The following HECW1 variants were observed in gnomAD, a reference collection of about 807,000 sequenced individuals.
HECW1 encodes HECT, C2 and WW domain containing E3 ubiquitin protein ligase 1.
A neutral mutation model predicts 182.3 loss-of-function variants in HECW1; 61 were observed. The observed-to-expected ratio is 0.33, with a 90% CI of 0.27 to 0.41. The LOEUF (loss-of-function observed/expected upper bound fraction) is 0.41. Among genes scored for constraint, HECW1 ranks in the 10% least tolerant of loss-of-function variants. The pLI, the probability that HECW1 is intolerant of heterozygous loss-of-function variation, is 1.00. For missense variants in HECW1, 1,739 were observed against 2,108.9 expected, an observed-to-expected ratio of 0.82 and a Z score of 3.44; for synonymous variants, 859 against 832.6, an observed-to-expected ratio of 1.03 and a Z score of -0.55.
At chr7:43,133,775 A>C (rs922052411) in intron 2 of HECW1, among the ~76,000 whole-genome samples, 2 of 151,810 alleles carry the variant, frequency 1.3e-5, no homozygotes, top group African/African-American at 4.8e-5. Flanking sequence ...GTACTTTCTT[A>C]TATCTATTGT....
intron 6 of HECW1, among the ~76,000 whole-genome samples, chr7:43,362,775 G>A (rs1816127736): frequency 6.6e-6 from 1 of 152,242 alleles, no homozygotes; most frequent in Non-Finnish European, 1.5e-5. Flanking sequence ...GGCAGGAAGT[G>A]GAGTGAAGCC....
At chr7:43,252,805 A>G (rs1480497573) in intron 3 of HECW1, among the ~76,000 whole-genome samples, 1 of 152,242 alleles carries the variant, frequency 6.6e-6, no homozygotes, top group Non-Finnish European at 1.5e-5. Context: ...ACTGGGGGAA[A>G]GTAGTCTTGC....
At chr7:43,451,203 G>T (rs2077224835) in intron 12 of HECW1, among the ~76,000 whole-genome samples, 1 of 152,156 alleles carries the variant, frequency 6.6e-6, no homozygotes, top group South Asian at 2.1e-4. Context: ...TTCTCTGTTA[G>T]ACTTGACTAG....
chr7:43,150,808 T>C (rs78771848), intron 2 of HECW1: 1,625 of 154,464 alleles, frequency 0.011, 26 homozygotes, highest in African/African-American at 0.037. Context: ...CCTGCCACAT[T>C]CTTGGCTCAG....
chr7:43,548,230 C>T (rs923208621), intron 26 of HECW1, among the ~76,000 whole-genome samples: 4 of 148,264 alleles, frequency 2.7e-5, no homozygotes, highest in African/African-American at 9.9e-5. Flanking sequence ...TTTATGGACT[C>T]ATTACATTTC....
intron 5 of HECW1, among the ~76,000 whole-genome samples, chr7:43,356,958 A>T (rs1287900876): frequency 2.0e-5 from 3 of 152,218 alleles, no homozygotes; most frequent in Middle Eastern, 3.2e-3. Context: ...TTAAAAGAAG[A>T]CAGACAAATG....
intron 2 of HECW1, among the ~76,000 whole-genome samples, chr7:43,231,741 G>A (rs1320091795): frequency 1.2e-4 from 18 of 152,122 alleles, no homozygotes; most frequent in Non-Finnish European, 2.2e-4. Context: ...TTGGGGCCAG[G>A]CGCGGTGGCT....
chr7:43,383,193 T>A (rs1267031456), intron 6 of HECW1, among the ~76,000 whole-genome samples: 1 of 152,240 alleles, frequency 6.6e-6, no homozygotes, highest in Non-Finnish European at 1.5e-5. Flanking sequence ...TGATGGGTAT[T>A]CGGGTTGGTT....
chr7:43,176,568 G>T (rs73690265), intron 2 of HECW1, among the ~76,000 whole-genome samples: 1 of 152,156 alleles, frequency 6.6e-6, no homozygotes. Context: ...ACAGTGGGGG[G>T]CTCACAATAG....
intron 3 of HECW1, among the ~76,000 whole-genome samples, chr7:43,280,103 ATC>A (rs1803697507): frequency 6.6e-6 from 1 of 152,250 alleles, no homozygotes. Context: ...CCTCTGATAA[ATC>A]TCTGTCCCAG....
At chr7:43,452,233 A>G (rs763426448) in intron 12 of HECW1, among the ~76,000 whole-genome samples, 1 of 152,234 alleles carries the variant, frequency 6.6e-6, no homozygotes. Context: ...AAAAATATGT[A>G]TAACATGTTA....
intron 3 of HECW1, among the ~76,000 whole-genome samples, chr7:43,258,300 A>T (rs1800801773): frequency 6.6e-6 from 1 of 151,928 alleles, no homozygotes; most frequent in Admixed American, 6.6e-5. Context: ...CCGAGATTGT[A>T]CCACTGCACT....
chr7:43,527,713 A>C (rs2080814523), intron 24 of HECW1, among the ~76,000 whole-genome samples: 1 of 152,214 alleles, frequency 6.6e-6, no homozygotes, highest in Non-Finnish European at 1.5e-5. Flanking sequence ...GAAACCACCA[A>C]GTTTAATAAT....
At chr7:43,210,450 AGTGT>A (rs57987187) in intron 2 of HECW1, among the ~76,000 whole-genome samples, 19 of 145,510 alleles carry the variant, frequency 1.3e-4, no homozygotes, top group South Asian at 4.5e-4. Context: ...AGTAGAAGTG[AGTGT>A]GTGTGTGTGT....
chr7:43,315,339 A>C (rs578227487), intron 4 of HECW1, among the ~76,000 whole-genome samples: 155 of 152,266 alleles, frequency 1.0e-3, no homozygotes, highest in African/African-American at 3.6e-3. Context: ...ATTGATTTTT[A>C]GGAGCTCCTC....
intron 26 of HECW1, among the ~76,000 whole-genome samples, chr7:43,549,641 C>G (rs1003431457): frequency 3.3e-5 from 5 of 152,200 alleles, no homozygotes; most frequent in Admixed American, 1.3e-4. Flanking sequence ...TCAAGCATGT[C>G]CTAACAAACA....
intron 24 of HECW1, among the ~76,000 whole-genome samples, chr7:43,532,602 C>T (rs2081036151): frequency 6.6e-6 from 1 of 152,102 alleles, no homozygotes; most frequent in Non-Finnish European, 1.5e-5. Context: ...TCAAGCAAAC[C>T]ACACACCTTC....
chr7:43,121,575 A>C (rs1562764081), intron 2 of HECW1, among the ~76,000 whole-genome samples: 1 of 152,132 alleles, frequency 6.6e-6, no homozygotes, highest in African/African-American at 2.4e-5. Context: ...TATATTATAC[A>C]TATAGTGATA....
chr7:43,257,689 A>G (rs1294394728), intron 3 of HECW1, among the ~76,000 whole-genome samples: 4 of 152,186 alleles, frequency 2.6e-5, no homozygotes, highest in Non-Finnish European at 5.9e-5. Context: ...GTGACCCTCA[A>G]CAGAGTACCA....
Sources: gnomAD v4.1 joint callset for allele counts (sites outside exome capture counted in the v4.1 genomes callset) on GRCh38, gnomAD v4.1.1 for gene constraint, MANE v1.5 for transcripts, NCBI Gene and HGNC (gene_info 2026-07-23, HGNC 2026-07-21) for gene names.